Variants in ACTR3C observed in about 807,000 individuals in gnomAD.
ACTR3C encodes the protein actin-related protein 3C.
In ACTR3C, 18 loss-of-function variants were observed where a neutral mutation model predicts 26.3. The observed-to-expected ratio is 0.68, with a 90% CI of 0.47 to 1.01. ACTR3C has a LOEUF of 1.01. Ranked by LOEUF, ACTR3C falls within the 50% of genes least tolerant of loss-of-function variation. ACTR3C has a pLI of 0.00. For synonymous variants in ACTR3C, 55 were observed against 94.5 expected, an observed-to-expected ratio of 0.58 and a Z score of 2.42; for missense variants, 184 against 250.7, an observed-to-expected ratio of 0.73 and a Z score of 1.80.
rs187303898 is a variant in ACTR3C, at chr7:150,276,275, A to G, written c.564+8478T>C. ...AGGCTCTCTTAACTCCATTTAACAGACACACAGTGCCACCTATCAGCCATC... is the reference window on the plus strand; with the variant it reads ...AGGCTCTCTTAACTCCATTTAACAGGCACACAGTGCCACCTATCAGCCATC... On this transcript the variant is annotated intron_variant, in intron 6 of 7. Transcript: ENST00000683684. Among the ~76,000 whole-genome samples, 690 of 152,298 alleles carry G rather than the reference A, an allele frequency of 4.5e-3. 3 individuals are homozygous for G. The highest frequency in any genetic ancestry group is 0.014 in the South Asian group (67 of 4,824).
At chr7:149,901,347 C>T in the ACTR3C span, among the ~76,000 whole-genome samples, 3 of 149,730 alleles carry the variant, frequency 2.0e-5, no homozygotes, top group South Asian at 2.2e-4. Flanking sequence ...TACCAACATC[C>T]GTTTCCTGGG....
Position 150,284,755 on chromosome 7 carries a change from T to G in ACTR3C, c.562A>C (p.Lys188Gln), listed in dbSNP as rs183820446. 109 of 1,611,160 alleles carry G rather than the reference T, an allele frequency of 6.8e-5. No individual in the cohort carries two copies. The highest frequency in any genetic ancestry group is 3.4e-4 in the Admixed American group (20 of 59,420). Residue 188 changes from lysine (K) to glutamine (Q), a missense_variant and splice_region_variant, in exon 6 of 8, where the codon AAG becomes CAG. By Grantham distance (53) the Lys-to-Gln change is moderately conservative (BLOSUM62 1). Transcript: ENST00000683684. ...TACCTTACCCATGCAGCTCATACCT[T>G]ATACAGCGGACGCCGCACATCGATG... Reference protein sequence around the residue: ...CPIDVRRPLYKMEQIPLSYPQ... With the variant: ...CPIDVRRPLYQMEQIPLSYPQ...
the ACTR3C span, among the ~76,000 whole-genome samples, chr7:150,225,808 C>T: frequency 6.6e-6 from 1 of 152,120 alleles, no homozygotes; most frequent in Non-Finnish European, 1.5e-5. Flanking sequence ...GTAATGTATC[C>T]ACATTGTGTC....
chr7:150,172,928 C>T, the ACTR3C span, among the ~76,000 whole-genome samples: 1 of 150,066 alleles, frequency 6.7e-6, no homozygotes, highest in Non-Finnish European at 1.5e-5. Flanking sequence ...CACGCTGATG[C>T]AAGAGGTGGG....
chr7:150,291,724 G>A (rs6953703), intron 3 of ACTR3C, among the ~76,000 whole-genome samples: 27,910 of 151,620 alleles, frequency 0.18, 3,526 homozygotes, highest in African/African-American at 0.34. Flanking sequence ...AGGGGCCTAC[G>A]GGGGCCTCAT....
At chr7:150,319,205 CTT>C (rs199647156) in intron 1 of ACTR3C, among the ~76,000 whole-genome samples, 94 of 140,644 alleles carry the variant, frequency 6.7e-4, no homozygotes, top group East Asian at 8.6e-4. Flanking sequence ...ATTGCTTCTT[CTT>C]TTTTTTTTTT....
chr7:150,193,973 A>T, the ACTR3C span, among the ~76,000 whole-genome samples: 1 of 145,078 alleles, frequency 6.9e-6, no homozygotes, highest in Non-Finnish European at 1.5e-5. Context: ...ATATATATAA[A>T]ATACACATAC....
At chr7:150,161,222 A>ATATTTATT in the ACTR3C span, among the ~76,000 whole-genome samples, 1 of 120,402 alleles carries the variant, frequency 8.3e-6, no homozygotes, top group Non-Finnish European at 1.7e-5. Context: ...ATATATATAT[A>ATATTTATT]TATTTATTAT....
At chr7:149,965,862 G>A in the ACTR3C span, among the ~76,000 whole-genome samples, 2 of 152,168 alleles carry the variant, frequency 1.3e-5, no homozygotes, top group African/African-American at 4.8e-5. Flanking sequence ...GGAAAGCAGA[G>A]ATCTAACCCA....
the ACTR3C span, among the ~76,000 whole-genome samples, chr7:149,898,074 A>C: frequency 1.3e-5 from 2 of 152,280 alleles, no homozygotes; most frequent in Non-Finnish European, 2.9e-5. Context: ...AGTAAAGGAC[A>C]GAACTTCAGC....
the ACTR3C span, among the ~76,000 whole-genome samples, chr7:150,151,011 T>C: frequency 7.7e-6 from 1 of 129,084 alleles, no homozygotes; most frequent in Non-Finnish European, 1.7e-5. Context: ...TTCCTTTTAT[T>C]TCTGCTTTAT....
the ACTR3C span, among the ~76,000 whole-genome samples, chr7:150,226,722 A>C: frequency 2.3e-3 from 356 of 152,214 alleles, 1 homozygote; most frequent in African/African-American, 7.8e-3. Context: ...ACAGGCGTGA[A>C]CCACCAGGCC....
At chr7:150,014,183 C>T in the ACTR3C span, among the ~76,000 whole-genome samples, 20 of 152,244 alleles carry the variant, frequency 1.3e-4, no homozygotes, top group South Asian at 8.3e-4. Flanking sequence ...AGGCCGGGCA[C>T]GGTGGCTCAC....
At chr7:150,098,614 C>T in the ACTR3C span, among the ~76,000 whole-genome samples, 161 of 151,638 alleles carry the variant, frequency 1.1e-3, 3 homozygotes, top group African/African-American at 2.9e-3. Context: ...ATACAAAAAG[C>T]GTTGGTAGAG....
chr7:149,885,372 G>A, the ACTR3C span, among the ~76,000 whole-genome samples: 1 of 152,200 alleles, frequency 6.6e-6, no homozygotes. Flanking sequence ...AAGCCCCCAA[G>A]CCGCCAGGGA....
the ACTR3C span, among the ~76,000 whole-genome samples, chr7:149,907,478 T>TCTTTCTCTCTCTCTCTC: frequency 1.0e-5 from 1 of 97,606 alleles, no homozygotes; most frequent in Non-Finnish European, 2.1e-5. Flanking sequence ...CTCTCTTCTC[T>TCTTTCTCTCTCTCTCTC]TCTCTCTCTC....
At chr7:150,214,196 C>T in the ACTR3C span, among the ~76,000 whole-genome samples, 2 of 152,122 alleles carry the variant, frequency 1.3e-5, no homozygotes, top group African/African-American at 2.4e-5. Context: ...CATACAAGGA[C>T]ATTTTAAACT....
At chr7:150,088,973 C>T in the ACTR3C span, among the ~76,000 whole-genome samples, 1 of 152,172 alleles carries the variant, frequency 6.6e-6, no homozygotes, top group Admixed American at 6.5e-5. Context: ...GTTGGACAGC[C>T]TTGGCTACCA....
the ACTR3C span, among the ~76,000 whole-genome samples, chr7:150,201,878 A>G: frequency 6.6e-6 from 1 of 152,210 alleles, no homozygotes; most frequent in Non-Finnish European, 1.5e-5. Context: ...GTCTCTTAAA[A>G]TAAGAGCTAT....
Sources: gnomAD v4.1 joint callset for allele counts (sites outside exome capture counted in the v4.1 genomes callset) on GRCh38, gnomAD v4.1.1 for gene constraint, MANE v1.5 for transcripts, NCBI Gene and HGNC (gene_info 2026-07-23, HGNC 2026-07-21) for gene names.